Variants in SDK1 observed in about 807,000 individuals in gnomAD.
The protein encoded by SDK1 is sidekick cell adhesion molecule 1, also known as protein sidekick-1.
Under a neutral mutation model 245.5 loss-of-function variants are expected in SDK1, and 157 were observed. That is an observed-to-expected ratio of 0.64 (90% CI 0.56 to 0.73). The LOEUF (loss-of-function observed/expected upper bound fraction) is 0.73. Ranked by LOEUF, SDK1 falls within the 30% of genes least tolerant of loss-of-function variation. The pLI is 0.00. For missense variants in SDK1, 3,583 were observed against 3,002.3 expected (o/e 1.19, Z -4.52); for synonymous variants, 1,647 against 1,278.5 (o/e 1.29, Z -6.15).
At chr7:3,987,378 T>C in intron 14 of SDK1, 56 bp downstream of exon 14, 4 of 1,576,232 alleles carry the variant, frequency 2.5e-6, no homozygotes, top group Non-Finnish European at 3.5e-6. Flanking sequence ...TTGTGTGTGC[T>C]CTTAATGTCC....
chr7:4,062,490 A>G (rs1779605077), intron 19 of SDK1, among the ~76,000 whole-genome samples: 1 of 152,198 alleles, frequency 6.6e-6, no homozygotes, highest in African/African-American at 2.4e-5. Context: ...AGAAAAACCC[A>G]GGGCCAAGTG....
At chr7:3,511,753 C>G (rs1413791941) in intron 1 of SDK1, among the ~76,000 whole-genome samples, 1 of 151,258 alleles carries the variant, frequency 6.6e-6, no homozygotes, top group African/African-American at 2.4e-5. Context: ...ACAAAATCAA[C>G]CATTATTTTA....
intron 2 of SDK1, among the ~76,000 whole-genome samples, chr7:3,635,244 A>G (rs1247329839): frequency 1.3e-5 from 2 of 152,230 alleles, no homozygotes. Context: ...AAAAGAATAA[A>G]AATTTTAAGA....
In SDK1 at chr7:4,145,766, T is replaced by A. The variant is rs1779925363; in HGVS notation, c.4273T>A (p.Phe1425Ile). ...CCTGGCCAGCAGCAGCCCCCACACC[T>A]TCACCACCGTGGAGGTCGGCGCCAC... ...YRLASSSPHT[F>I]TTVEVGATVR... The change falls in exon 29 of 45, where the codon TTC becomes ATC. Residue 1425 changes from phenylalanine to isoleucine, a missense_variant. Transcript: ENST00000404826. 1.7e-5 allele frequency: 27 copies of A among 1,612,808 alleles called. No homozygotes were observed. The highest frequency in any genetic ancestry group is 2.2e-5 in the Non-Finnish European group (26 of 1,179,528).
chr7:3,950,947 T>C lies in SDK1; in HGVS notation c.872T>C (p.Met291Thr), dbSNP rs1222331362. 2.5e-6 allele frequency: 4 copies of C among 1,613,902 alleles called. No individual in the cohort carries two copies. Among genetic ancestry groups the C allele is most frequent in the South Asian group, 1.1e-5 (1 of 91,072 alleles). The change falls in exon 6 of 45, where the codon ATG becomes ACG. Residue 291 changes from methionine to threonine, a missense_variant. Met to Thr is a moderately conservative substitution (Grantham distance 81). Coordinates refer to ENST00000404826, the MANE Select transcript of SDK1 (RefSeq NM_152744.4). The part of the protein sequence containing the change: ...IARDVGTPET[M>T]APTIVVPPGN... ...GGAGATGTTGGCACACCTGAAACCA[T>C]GGCCCCAACCATTGTGGTTCCCCCG... is the stretch of plus-strand genomic sequence containing the variant.
rs556749353 is a variant in SDK1, at chr7:3,912,322, G to C, written c.848-38601G>C. 1.1e-4 allele frequency among the ~76,000 whole-genome samples: 17 copies of C among 152,288 alleles called. No homozygotes were observed. The South Asian group carries it at 2.9e-3, about 26-fold the overall frequency. ...TGCTAATGCGTGTATTGTGAACTCTGAGAAGAGAGAGTTCCAAAATGTATT... is the reference window on the plus strand; with the variant it reads ...TGCTAATGCGTGTATTGTGAACTCTCAGAAGAGAGAGTTCCAAAATGTATT... On this transcript the variant is annotated intron_variant, in intron 5 of 44. Coordinates refer to ENST00000404826, the MANE Select transcript of SDK1 (RefSeq NM_152744.4).
intron 22 of SDK1, among the ~76,000 whole-genome samples, chr7:4,081,474 C>G (rs1781052692): frequency 6.6e-6 from 1 of 151,602 alleles, no homozygotes; most frequent in African/African-American, 2.4e-5. Context: ...AGCTGGAGTG[C>G]AGTGGCGCCT....
At chr7:4,160,434 G>T (rs954476297) in intron 31 of SDK1, among the ~76,000 whole-genome samples, 5 of 152,304 alleles carry the variant, frequency 3.3e-5, no homozygotes, top group African/African-American at 1.2e-4. Flanking sequence ...TTGATATTCA[G>T]ATTGGGCTTT....
chr7:3,549,632 TG>T (rs1037852882), intron 1 of SDK1, among the ~76,000 whole-genome samples: 1 of 152,202 alleles, frequency 6.6e-6, no homozygotes, highest in African/African-American at 2.4e-5. Context: ...GAGCATGTTT[TG>T]TTTTTTTTCC....
chr7:3,645,295 C>T (rs886671881), intron 4 of SDK1, among the ~76,000 whole-genome samples: 7 of 152,130 alleles, frequency 4.6e-5, no homozygotes, highest in African/African-American at 1.4e-4. Context: ...TCTCTAATCT[C>T]AGGAAAATAA....
At chr7:3,817,814 A>C (rs767177718) in intron 4 of SDK1, among the ~76,000 whole-genome samples, 1 of 152,210 alleles carries the variant, frequency 6.6e-6, no homozygotes, top group African/African-American at 2.4e-5. Flanking sequence ...TTTGCCTAGC[A>C]CCTCAGGAGA....
chr7:3,574,273 T>C (rs1291321060), intron 1 of SDK1, among the ~76,000 whole-genome samples: 3 of 151,876 alleles, frequency 2.0e-5, no homozygotes, highest in African/African-American at 7.2e-5. Context: ...CCTGCCACCA[T>C]GCCCAGCTAA....
Position 4,210,136 on chromosome 7 carries a change from T to C in SDK1, c.5513T>C (p.Val1838Ala), listed in dbSNP as rs748397100. 1.0e-5 allele frequency: 16 copies of C among 1,596,242 alleles called. No homozygotes were observed. Among genetic ancestry groups the C allele is most frequent in the Non-Finnish European group, 1.4e-5 (16 of 1,172,968 alleles). Residue 1838 changes from valine to alanine, a missense_variant, in exon 38 of 45, where the codon GTG becomes GCG. Coordinates refer to ENST00000404826, the MANE Select transcript of SDK1 (RefSeq NM_152744.4). Reference protein sequence around the residue: ...ANGILQGYRVVYEPLAPVQGV... With the variant: ...ANGILQGYRVAYEPLAPVQGV... ...GGCATCCTGCAGGGCTATCGGGTGG[T>C]GTACGAGCCCTTGGCCCCTGTACAA...
intron 1 of SDK1, among the ~76,000 whole-genome samples, chr7:3,573,393 C>T (rs1780178260): frequency 6.6e-6 from 1 of 152,058 alleles, no homozygotes; most frequent in South Asian, 2.1e-4. Context: ...CTCTGCTGGG[C>T]CAGCCTTGGG....
intron 25 of SDK1, among the ~76,000 whole-genome samples, chr7:4,115,412 G>A (rs1783638440): frequency 1.3e-5 from 2 of 152,208 alleles, no homozygotes; most frequent in African/African-American, 2.4e-5. Context: ...CAGAGGAAAA[G>A]AACAAGACTC....
chr7:3,957,646 G>A (rs576636892), intron 7 of SDK1, among the ~76,000 whole-genome samples: 1 of 152,240 alleles, frequency 6.6e-6, no homozygotes, highest in East Asian at 1.9e-4. Flanking sequence ...GCACACAAGG[G>A]CCCTGACAGC....
intron 43 of SDK1, among the ~76,000 whole-genome samples, chr7:4,244,820 G>A (rs1391420375): frequency 1.3e-5 from 2 of 152,170 alleles, no homozygotes; most frequent in Non-Finnish European, 2.9e-5. Context: ...ATGACTGAGG[G>A]CCCCAGCCTC....
intron 1 of SDK1, among the ~76,000 whole-genome samples, chr7:3,516,448 A>C (rs1782754399): frequency 1.3e-5 from 2 of 152,076 alleles, no homozygotes. Context: ...TAATTATTGA[A>C]AGTATAGGTA....
rs76781988 is a variant in SDK1, at chr7:3,753,028, G to C, written c.714-68422G>C. ...GGGTAGCCCACGTTGATACTACTCG[G>C]TGTCTGCCCAATCACAGGAAGGCAC... On this transcript the variant is annotated intron_variant, in intron 4 of 44. Coordinates refer to ENST00000404826, the MANE Select transcript of SDK1 (RefSeq NM_152744.4). Among the ~76,000 whole-genome samples, 866 of 152,164 alleles carry C rather than the reference G, an allele frequency of 5.7e-3. 4 individuals carry two copies. Among genetic ancestry groups the C allele is most frequent in the African/African-American group, 0.02 (841 of 41,510 alleles).
Sources: allele counts gnomAD v4.1 joint callset (sites outside exome capture counted in the v4.1 genomes callset), GRCh38; gene constraint gnomAD v4.1.1; transcripts MANE v1.5; gene names NCBI Gene and HGNC (gene_info 2026-07-23, HGNC 2026-07-21).